The following NSMCE2 variants were observed in gnomAD, a reference collection of about 807,000 sequenced individuals.
NSMCE2 encodes the protein E3 SUMO-protein ligase NSE2.
A neutral mutation model predicts 23.8 loss-of-function variants in NSMCE2; 24 were observed. The ratio of observed to expected loss-of-function variants is 1.01; its 90% CI spans 0.73 to 1.42. The LOEUF (loss-of-function observed/expected upper bound fraction) is 1.42, where lower values mean the gene tolerates loss of function less well. Ranked by LOEUF, NSMCE2 falls within the 40% of genes most tolerant of loss-of-function variation. The pLI is 0.00. For missense variants in NSMCE2, 284 were observed against 296.5 expected (o/e 0.96, Z 0.31); for synonymous variants, 92 against 94.1 (o/e 0.98, Z 0.13).
intron 1 of NSMCE2, among the ~76,000 whole-genome samples, chr8:125,097,915 A>G (rs750223308): frequency 1.3e-5 from 2 of 152,202 alleles, no homozygotes; most frequent in African/African-American, 2.4e-5. Context: ...TTATATAGGC[A>G]GGAGGGAGTT....
At chr8:125,327,893 G>A (rs1025481102) in intron 5 of NSMCE2, among the ~76,000 whole-genome samples, 1 of 152,154 alleles carries the variant, frequency 6.6e-6, no homozygotes, top group African/African-American at 2.4e-5. Context: ...GGTCTGAATA[G>A]ATTAATATCA....
chr8:125,363,610 G>A (rs1434230895), intron 7 of NSMCE2, among the ~76,000 whole-genome samples: 1 of 135,284 alleles, frequency 7.4e-6, no homozygotes, highest in African/African-American at 2.8e-5. Flanking sequence ...AAAGGAGGAG[G>A]GGGAGGGAAG....
chr8:125,129,465 C>T (rs955749998), intron 3 of NSMCE2, among the ~76,000 whole-genome samples: 3 of 151,822 alleles, frequency 2.0e-5, no homozygotes, highest in Non-Finnish European at 1.5e-5. Context: ...TTCATTCCTA[C>T]TTAGTTTATT....
At chr8:125,108,054 TATG>T (rs1818553166) in intron 3 of NSMCE2, among the ~76,000 whole-genome samples, 3 of 151,906 alleles carry the variant, frequency 2.0e-5, no homozygotes, top group African/African-American at 7.2e-5. Context: ...TAAAAAAAAT[TATG>T]ATGAAAATAG....
rs548661705 is a variant in NSMCE2, at chr8:125,171,879, G to A, written c.265-10224G>A. On this transcript the variant is annotated intron_variant, in intron 4 of 7. Coordinates refer to ENST00000287437, the MANE Select transcript of NSMCE2 (RefSeq NM_173685.4). ...TTCTATATCTGCTCTGTCCAGAGTG[G>A]TGTGGTAGTCACTAGCCACATGCAG... Among the ~76,000 whole-genome samples the A allele has an allele frequency of 9.7e-4, 147 of 152,310 alleles. 1 individual carries two copies. Among genetic ancestry groups the A allele is most frequent in the Non-Finnish European group, 1.9e-3 (131 of 68,032 alleles).
At chr8:125,237,650 T>A (rs1052946389) in intron 5 of NSMCE2, among the ~76,000 whole-genome samples, 1 of 152,214 alleles carries the variant, frequency 6.6e-6, no homozygotes, top group African/African-American at 2.4e-5. Flanking sequence ...ATTAATAAAG[T>A]CACATTCTTT....
chr8:125,347,234 G>A (rs1812804147), intron 5 of NSMCE2, among the ~76,000 whole-genome samples: 1 of 152,194 alleles, frequency 6.6e-6, no homozygotes, highest in Admixed American at 6.5e-5. Flanking sequence ...GCACCCTGCT[G>A]ATAATGATAG....
At chr8:125,101,776 C>G (rs1224676032) in intron 1 of NSMCE2, among the ~76,000 whole-genome samples, 1 of 152,224 alleles carries the variant, frequency 6.6e-6, no homozygotes, top group Non-Finnish European at 1.5e-5. Flanking sequence ...TCTGCTTTCA[C>G]TGACTCTGGG....
chr8:125,256,563 A>T (rs923343386), intron 5 of NSMCE2, among the ~76,000 whole-genome samples: 5 of 152,218 alleles, frequency 3.3e-5, no homozygotes, highest in Non-Finnish European at 5.9e-5. Flanking sequence ...TTTGGCAGCC[A>T]TTGTCACAAA....
chr8:125,366,017 A>G (rs1442265653), intron 7 of NSMCE2, among the ~76,000 whole-genome samples: 1 of 152,106 alleles, frequency 6.6e-6, no homozygotes, highest in African/African-American at 2.4e-5. Flanking sequence ...TGCACTTGCT[A>G]CTGCCTCAGC....
intron 5 of NSMCE2, among the ~76,000 whole-genome samples, chr8:125,190,138 C>T (rs984416447): frequency 2.6e-5 from 4 of 152,188 alleles, no homozygotes; most frequent in African/African-American, 7.2e-5. Context: ...AATTTCTGCC[C>T]TACACAAATT....
intron 3 of NSMCE2, among the ~76,000 whole-genome samples, chr8:125,105,260 G>A (rs79912357): frequency 0.029 from 4,451 of 152,230 alleles, 131 homozygotes; most frequent in South Asian, 0.15. Context: ...TTAGTGGGTG[G>A]CCTCCAAATG....
chr8:125,138,643 A>C (rs1820195523), intron 3 of NSMCE2, among the ~76,000 whole-genome samples: 1 of 152,088 alleles, frequency 6.6e-6, no homozygotes, highest in Admixed American at 6.6e-5. Context: ...ATTGCTTTTT[A>C]TTCTGAAGTT....
At chr8:125,193,470 A>G (rs1586591610) in intron 5 of NSMCE2, among the ~76,000 whole-genome samples, 1 of 152,252 alleles carries the variant, frequency 6.6e-6, no homozygotes, top group African/African-American at 2.4e-5. Context: ...TTTTTAAACC[A>G]CATTCATAGA....
At chr8:125,185,302 A>T (rs1280188552) in intron 5 of NSMCE2, among the ~76,000 whole-genome samples, 1 of 150,368 alleles carries the variant, frequency 6.7e-6, no homozygotes, top group Non-Finnish European at 1.5e-5. Flanking sequence ...ATTACATTTT[A>T]AATTTTTTTT....
At chr8:125,341,508 T>G (rs1044548132) in intron 5 of NSMCE2, among the ~76,000 whole-genome samples, 2 of 152,194 alleles carry the variant, frequency 1.3e-5, no homozygotes, top group Admixed American at 6.5e-5. Context: ...CACCCTGCCT[T>G]GCCCTTTCAG....
intron 5 of NSMCE2, among the ~76,000 whole-genome samples, chr8:125,200,685 G>A (rs886537342): frequency 6.6e-6 from 1 of 152,008 alleles, no homozygotes; most frequent in South Asian, 2.1e-4. Context: ...TATCTTTGTG[G>A]TGTTCTTATA....
intron 5 of NSMCE2, among the ~76,000 whole-genome samples, chr8:125,240,775 A>G (rs1825738049): frequency 6.6e-6 from 1 of 152,150 alleles, no homozygotes; most frequent in African/African-American, 2.4e-5. Context: ...GTAAACACCA[A>G]CAGTAATATT....
intron 5 of NSMCE2, among the ~76,000 whole-genome samples, chr8:125,303,538 C>G (rs770633819): frequency 1.3e-5 from 2 of 152,130 alleles, no homozygotes; most frequent in Non-Finnish European, 2.9e-5. Context: ...AAGTATAATA[C>G]TGGGTGCCAA....
Sources: allele counts gnomAD v4.1 joint callset (sites outside exome capture counted in the v4.1 genomes callset), GRCh38; gene constraint gnomAD v4.1.1; transcripts MANE v1.5; gene names NCBI Gene and HGNC (gene_info 2026-07-23, HGNC 2026-07-21).